Variants in UBE2E1 observed in about 807,000 individuals in gnomAD.
The protein encoded by UBE2E1 is ubiquitin-conjugating enzyme E2 E1.
A neutral mutation model predicts 21.4 loss-of-function variants in UBE2E1; 6 were observed. The observed-to-expected ratio is 0.28, with a 90% CI of 0.15 to 0.55. The LOEUF (loss-of-function observed/expected upper bound fraction) is 0.55, where lower values mean the gene tolerates loss of function less well. UBE2E1 is among the 20% of genes least tolerant of loss of function. UBE2E1 has a pLI of 0.93. For synonymous variants in UBE2E1, 87 were observed against 82.7 expected (o/e 1.05, Z -0.28); for missense variants, 142 against 236.5 (o/e 0.60, Z 2.62).
At chr3:23,882,842 C>T (rs1035119276) in intron 3 of UBE2E1, among the ~76,000 whole-genome samples, 36 of 152,204 alleles carry the variant, frequency 2.4e-4, no homozygotes, top group Admixed American at 3.9e-4. Flanking sequence ...GCGGGGCTGC[C>T]AAGTCCACGC....
At chr3:23,868,753 G>C (rs979631546) in intron 3 of UBE2E1, among the ~76,000 whole-genome samples, 2 of 151,016 alleles carry the variant, frequency 1.3e-5, no homozygotes, top group Non-Finnish European at 2.9e-5. Context: ...ATTGGAATCT[G>C]TTTGAAGGAG....
intron 3 of UBE2E1, among the ~76,000 whole-genome samples, chr3:23,855,942 G>A (rs573056761): frequency 6.6e-6 from 1 of 152,340 alleles, no homozygotes. Context: ...ATGTGGAATA[G>A]CATTAGCTGT....
chr3:23,811,950 C>T (rs1699402520), intron 3 of UBE2E1, among the ~76,000 whole-genome samples: 1 of 152,130 alleles, frequency 6.6e-6, no homozygotes, highest in Admixed American at 6.5e-5. Flanking sequence ...TACTCCATAG[C>T]ATATAGATTT....
intron 3 of UBE2E1, among the ~76,000 whole-genome samples, chr3:23,852,918 T>G (rs1445588876): frequency 1.4e-5 from 2 of 142,066 alleles, no homozygotes; most frequent in Non-Finnish European, 3.0e-5. Flanking sequence ...TTTTGTTTTG[T>G]TTTTTTTTTT....
intron 3 of UBE2E1, among the ~76,000 whole-genome samples, chr3:23,827,751 A>G (rs1197518514): frequency 6.6e-6 from 1 of 152,198 alleles, no homozygotes; most frequent in Non-Finnish European, 1.5e-5. Flanking sequence ...TTTCATTGGA[A>G]TTGCCATCTA....
rs1559497137 is a variant in UBE2E1, at chr3:23,889,360, TTG to T, written c.484+104_484+105del. 2.5e-6 allele frequency: 4 copies of T among 1,572,266 alleles called. No individual in the cohort carries two copies. In the African/African-American group the frequency reaches 5.4e-5, roughly 21 times the overall value. On this transcript the variant is annotated intron_variant, in intron 5 of 5. Coordinates refer to ENST00000306627, the MANE Select transcript of UBE2E1 (RefSeq NM_003341.5). ...ACAAAACTAATTTTTCTGCACAAGT[TTG>T]TGAATACAAAAACTAATCGGCTTTT... is the stretch of plus-strand genomic sequence containing the variant.
intron 3 of UBE2E1, among the ~76,000 whole-genome samples, chr3:23,862,204 A>C (rs1219877418): frequency 6.6e-6 from 1 of 152,060 alleles, no homozygotes; most frequent in African/African-American, 2.4e-5. Flanking sequence ...GTGACAGTGC[A>C]AAGCTATTAA....
intron 3 of UBE2E1, among the ~76,000 whole-genome samples, chr3:23,818,847 G>A (rs879672446): frequency 6.6e-6 from 1 of 152,186 alleles, no homozygotes; most frequent in African/African-American, 2.4e-5. Context: ...CTTGGAGAAA[G>A]GAGTAGGAGG....
At chr3:23,859,431 C>T (rs543626472) in intron 3 of UBE2E1, among the ~76,000 whole-genome samples, 30 of 152,316 alleles carry the variant, frequency 2.0e-4, no homozygotes, top group African/African-American at 7.2e-4. Flanking sequence ...TTACCTGCTC[C>T]CACCCTTGTG....
chr3:23,881,825 G>A (rs1318031069), intron 3 of UBE2E1, among the ~76,000 whole-genome samples: 2 of 152,170 alleles, frequency 1.3e-5, no homozygotes, highest in Admixed American at 6.6e-5. Flanking sequence ...ATGTTCGGAC[G>A]TGTTCAGAGT....
chr3:23,826,499 C>T (rs1699762621), intron 3 of UBE2E1, among the ~76,000 whole-genome samples: 1 of 152,178 alleles, frequency 6.6e-6, no homozygotes, highest in South Asian at 2.1e-4. Flanking sequence ...GCAAATGACA[C>T]AGCAGGGAAA....
intron 3 of UBE2E1, among the ~76,000 whole-genome samples, chr3:23,845,117 A>G (rs529566094): frequency 1.3e-5 from 2 of 152,244 alleles, no homozygotes; most frequent in African/African-American, 2.4e-5. Context: ...TTAAAACTAT[A>G]CAATGAAGAA....
chr3:23,890,442 C>A, intron 5 of UBE2E1, 67 bp from the exon 6 acceptor site: 1 of 1,493,136 alleles, frequency 6.7e-7, no homozygotes, highest in South Asian at 1.2e-5. Flanking sequence ...CCCAAGCTGT[C>A]ACTATTCGCT....
rs1442510589 is a variant in UBE2E1, at chr3:23,829,316, A to G, written c.203+17806A>G. Among the ~76,000 whole-genome samples the G allele has an allele frequency of 6.8e-5, 8 of 118,080 alleles. No homozygotes were observed. In the Admixed American group the frequency reaches 7.7e-4, roughly 11 times the overall value. The allele number at this position is 118,080 out of a possible 152,430, so 77.5% of individuals were successfully genotyped here. On this transcript the variant is annotated intron_variant, in intron 3 of 5. Transcript: ENST00000306627. ...GCTGGGACAACAGGTGCACTCCACA[A>G]AGTCCAGCTTTTTTTTTTTTTTTAA...
intron 3 of UBE2E1, among the ~76,000 whole-genome samples, chr3:23,828,857 AGTCTGGT>A (rs1699808245): frequency 6.6e-6 from 1 of 152,218 alleles, no homozygotes; most frequent in Non-Finnish European, 1.5e-5. Context: ...CTCACACTCT[AGTCTGGT>A]GATTTCCAGG....
rs1700603587 is a variant in UBE2E1 at position 23,863,925 on chromosome 3, AC to A, written c.204-23640del. 6.6e-6 allele frequency among the ~76,000 whole-genome samples: 1 copy of A among 152,176 alleles called. No homozygotes were observed. The highest frequency in any genetic ancestry group is 6.5e-5 in the Admixed American group (1 of 15,278). Reference sequence around the variant, plus strand: ...TGCTAACTCTGTTTATAGCTGTCATACCGGATTCTCGTGTCACTGTCTTTTG... The same window carrying A: ...TGCTAACTCTGTTTATAGCTGTCATACGGATTCTCGTGTCACTGTCTTTTG... On this transcript the variant is annotated intron_variant, in intron 3 of 5. Coordinates refer to ENST00000306627, the MANE Select transcript of UBE2E1 (RefSeq NM_003341.5). This position sits in a 1 kb window ranked among gnomAD's most constrained non-coding sequence, Gnocchi z 4.3.
In UBE2E1 at chr3:23,842,198, G is replaced by GGGGTGTGT. The variant is rs1553637704; in HGVS notation, c.203+30689_203+30690insGGTGTGTG. Among the ~76,000 whole-genome samples, 649 of 104,360 alleles carry GGGGTGTGT rather than the reference G, an allele frequency of 6.2e-3. 7 individuals carry two copies. Among genetic ancestry groups the GGGGTGTGT allele is most frequent in the East Asian group, 0.013 (45 of 3,370 alleles). 68.5% of individuals were successfully genotyped at this position (104,360 alleles called of 152,430 possible). A position where few individuals can be genotyped will look rare whatever the true frequency, so the allele number is the denominator to read the frequency against. On this transcript the variant is annotated intron_variant, in intron 3 of 5. Transcript: ENST00000306627. The surrounding 1 kb of genome is among the most constrained non-coding windows in gnomAD (Gnocchi z 4.6). ...TATGTCATGACCCAGTAAGTGAAGG[G>GGGGTGTGT]GTGTGTGTGTGTGTGTGTGTGTGTG...
At chr3:23,857,824 T>C (rs1431524465) in intron 3 of UBE2E1, among the ~76,000 whole-genome samples, 1 of 152,186 alleles carries the variant, frequency 6.6e-6, no homozygotes, top group Non-Finnish European at 1.5e-5. Flanking sequence ...GGCTATGAGA[T>C]GGTAGCAATG....
Position 23,811,456 on chromosome 3 carries a change from C to G in UBE2E1, c.153-4C>G, listed in dbSNP as rs747261105. The G allele has an allele frequency of 1.9e-6, 3 of 1,614,160 alleles. No individual in the cohort carries two copies. Among genetic ancestry groups the G allele is most frequent in the Non-Finnish European group, 2.5e-6 (3 of 1,179,992 alleles). On this transcript the variant is annotated splice_region_variant and splice_polypyrimidine_tract_variant and intron_variant, in intron 2 of 5. Coordinates refer to ENST00000306627, the MANE Select transcript of UBE2E1 (RefSeq NM_003341.5). ...GTTTGTCTTTCCCATTTCTCCCACTCCAGAATTCAGAAGGAGCTGGCGGAC... is the reference window on the plus strand; with the variant it reads ...GTTTGTCTTTCCCATTTCTCCCACTGCAGAATTCAGAAGGAGCTGGCGGAC...
Sources: allele counts gnomAD v4.1 joint callset (sites outside exome capture counted in the v4.1 genomes callset), GRCh38; gene constraint gnomAD v4.1.1; non-coding constraint Gnocchi (gnomAD v3.1); transcripts MANE v1.5; gene names NCBI Gene and HGNC (gene_info 2026-07-23, HGNC 2026-07-21).